The following ARMCX4 variants were observed in gnomAD, a reference collection of about 807,000 sequenced individuals.
ARMCX4 encodes the protein armadillo repeat-containing X-linked protein 4.
In ARMCX4, 3 loss-of-function variants were observed where a neutral mutation model predicts 34.7. The ratio of observed to expected loss-of-function variants is 0.09; its 90% CI spans 0.04 to 0.22. ARMCX4 has a LOEUF of 0.22. Ranked by LOEUF, ARMCX4 falls within the 10% of genes least tolerant of loss-of-function variation. The probability of loss-of-function intolerance (pLI) is 1.00; values close to 1 mark genes in which losing one functional copy is unlikely to be tolerated. For missense variants in ARMCX4, 1,448 were observed against 1,720.8 expected (o/e 0.84, Z 2.81); for synonymous variants, 513 against 632.8 (o/e 0.81, Z 2.84).
intron 11 of ARMCX4, among the ~76,000 whole-genome samples, chrX:101,513,933 T>C (rs1352843198): frequency 9.0e-6 from 1 of 111,134 alleles, no homozygotes; most frequent in Non-Finnish European, 1.9e-5. Context: ...GGGATACTAG[T>C]GCATGGTAGC....
chrX:101,433,414 A>G (rs1856625809), intron 2 of ARMCX4, among the ~76,000 whole-genome samples: 1 of 110,296 alleles, frequency 9.1e-6, no homozygotes, highest in African/African-American at 3.3e-5. Flanking sequence ...AAACATATAT[A>G]CCTGTATGTG....
At chrX:101,505,379 T>C (rs1035488659) in intron 8 of ARMCX4, 5 of 111,832 alleles carry the variant, frequency 4.5e-5, no homozygotes, top group Non-Finnish European at 9.4e-5. Context: ...AACGTTTCTT[T>C]ATAAATGTCT....
Position 101,420,882 on chromosome X carries a change from G to A in ARMCX4, n.164+1882G>A, listed in dbSNP as rs191327455. Among the ~76,000 whole-genome samples the A allele has an allele frequency of 2.0e-4, 23 of 112,312 alleles. No homozygotes were observed. In the East Asian group the frequency reaches 4.2e-3, roughly 21 times the overall value. On this transcript the variant is annotated intron_variant and non_coding_transcript_variant, in intron 2 of 3. Coordinates refer to the ARMCX4 transcript ENST00000430461. Reference sequence around the variant, plus strand: ...GGAAGCCCTGTGGGATGGGGAGAACGAATCAGATTTGTCTTTGAAAATATT... The same window carrying A: ...GGAAGCCCTGTGGGATGGGGAGAACAAATCAGATTTGTCTTTGAAAATATT...
At chrX:101,458,170 C>G (rs368107876) in intron 4 of ARMCX4, among the ~76,000 whole-genome samples, 1 of 110,144 alleles carries the variant, frequency 9.1e-6, no homozygotes, top group Non-Finnish European at 1.9e-5. Context: ...ATTATGAATT[C>G]TTAGAGTTTT....
upstream of ARMCX4, among the ~76,000 whole-genome samples, chrX:101,484,928 A>G (rs1245983431): frequency 9.0e-6 from 1 of 110,761 alleles, no homozygotes; most frequent in Non-Finnish European, 1.9e-5. Flanking sequence ...AAGAAAAAAA[A>G]GGAACACGAA....
intron 2 of ARMCX4, among the ~76,000 whole-genome samples, chrX:101,423,109 C>G (rs1929378667): frequency 1.9e-5 from 2 of 107,837 alleles, no homozygotes; most frequent in Admixed American, 9.9e-5. Flanking sequence ...AATGTTTCAC[C>G]ATGTTGGCCA....
intron 4 of ARMCX4, among the ~76,000 whole-genome samples, chrX:101,460,987 C>T (rs1932582595): frequency 8.9e-6 from 1 of 112,151 alleles, no homozygotes; most frequent in Admixed American, 9.5e-5. Context: ...GCTCTGAATG[C>T]TCTGATTTCC....
At chrX:101,444,025 C>A in intron 2 of ARMCX4, 1 of 372,998 alleles carries the variant, frequency 2.7e-6, no homozygotes, top group Non-Finnish European at 5.2e-6. Context: ...AAGCAGGAAC[C>A]CTTATAACTA....
chrX:101,422,914 A>G (rs1028376183), intron 2 of ARMCX4, among the ~76,000 whole-genome samples: 1 of 110,733 alleles, frequency 9.0e-6, no homozygotes, highest in African/African-American at 3.3e-5. Flanking sequence ...TTTTATTTAT[A>G]TATATATATT....
In ARMCX4 at chrX:101,488,657, A is replaced by G. The variant is rs1933854731; in HGVS notation, c.68A>G (p.Tyr23Cys). Residue 23 changes from tyrosine (Y) to cysteine (C), a missense_variant, in exon 6 of 6, where the codon TAC becomes TGC. This residue lies in a region of ARMCX4 where 1,343 missense variants were observed against 1,540.7 expected (regional missense o/e 0.87). Transcript: ENST00000423738. ...GTGATCTGGGCTGGCACCTGCTACT[A>G]CATTTACAAATTTACCAAGGGAAGA... ...GLVIWAGTCY[Y>C]IYKFTKGRAQ... 3.5e-6 allele frequency: 4 copies of G among 1,154,364 alleles called. No homozygotes were observed. The highest frequency in any genetic ancestry group is 4.6e-6 in the Non-Finnish European group (4 of 872,696).
intron 2 of ARMCX4, among the ~76,000 whole-genome samples, chrX:101,433,344 A>G (rs1555993211): frequency 9.1e-6 from 1 of 109,358 alleles, no homozygotes; most frequent in Non-Finnish European, 1.9e-5. Flanking sequence ...ATGTACATAT[A>G]TGTACATATA....
intron 4 of ARMCX4, among the ~76,000 whole-genome samples, chrX:101,454,157 G>A (rs2079124330): frequency 9.0e-6 from 1 of 110,815 alleles, no homozygotes; most frequent in Admixed American, 9.6e-5. Flanking sequence ...GAAGGAGCAG[G>A]GCAGTGGTGT....
downstream of ARMCX4, among the ~76,000 whole-genome samples, chrX:101,533,899 G>T (rs1436490637): frequency 9.0e-6 from 1 of 111,170 alleles, no homozygotes; most frequent in African/African-American, 3.3e-5. Context: ...GAAGGGGCAG[G>T]CAAGATTATC....
intron 2 of ARMCX4, among the ~76,000 whole-genome samples, chrX:101,436,624 A>G (rs1930794818): frequency 1.8e-5 from 2 of 111,402 alleles, no homozygotes; most frequent in African/African-American, 6.5e-5. Flanking sequence ...TTCCTAATTG[A>G]ATACCCTTTA....
intron 2 of ARMCX4, among the ~76,000 whole-genome samples, chrX:101,427,544 A>AT (rs1360496633): frequency 2.7e-5 from 3 of 110,284 alleles, no homozygotes; most frequent in African/African-American, 9.9e-5. Context: ...TGTCTGGCTA[A>AT]TTTTTTTTGT....
At chrX:101,484,691 T>A (rs1933612766), upstream of ARMCX4, among the ~76,000 whole-genome samples, 1 of 112,444 alleles carries the variant, frequency 8.9e-6, no homozygotes, top group South Asian at 3.6e-4. Flanking sequence ...TACGTGCTGG[T>A]TTTGTTTAGG....
In ARMCX4 at chrX:101,489,350, C is replaced by G. The variant is rs940598421; in HGVS notation, c.761C>G (p.Pro254Arg). Residue 254 changes from proline (P) to arginine (R), a missense_variant, in exon 6 of 6, where the codon CCT becomes CGT. Physicochemically the swap from Pro to Arg is moderately radical, Grantham distance 103. Coordinates refer to ENST00000423738, the MANE Select transcript of ARMCX4 (RefSeq NM_001256155.3). ...SVAKTQSEARPGATVDARGNP... is the reference protein window; with the variant it reads ...SVAKTQSEARRGATVDARGNP... ...GCTAAGACTCAGTCTGAGGCCAGGCCTGGTGCCACAGTTGATGCTAGGGGA... is the reference window on the plus strand; with the variant it reads ...GCTAAGACTCAGTCTGAGGCCAGGCGTGGTGCCACAGTTGATGCTAGGGGA... 48 of 1,152,827 alleles carry G rather than the reference C, an allele frequency of 4.2e-5. No individual in the cohort carries two copies. Among genetic ancestry groups the G allele is most frequent in the Non-Finnish European group, 4.8e-5 (42 of 871,724 alleles).
At position 101,468,846 on chromosome X, in the gene ARMCX4, G is replaced by A. The variant is rs1456305630; in HGVS notation, c.-472-17177G>A. Among the ~76,000 whole-genome samples the A allele has an allele frequency of 3.6e-5, 4 of 111,067 alleles. No individual in the cohort carries two copies. The Admixed American group carries it at 3.9e-4, about 11-fold the overall frequency. ...GCCAAGATGTTCTCCATCTAGGAGAGTATTTTTCATAGGCTTCAGTTGGGG... is the reference window on the plus strand; with the variant it reads ...GCCAAGATGTTCTCCATCTAGGAGAATATTTTTCATAGGCTTCAGTTGGGG... On this transcript the variant is annotated intron_variant and NMD_transcript_variant, in intron 4 of 15. Coordinates refer to the ARMCX4 transcript ENST00000433011.
intron 11 of ARMCX4, among the ~76,000 whole-genome samples, chrX:101,526,264 T>A (rs1322333619): frequency 9.0e-6 from 1 of 111,535 alleles, no homozygotes; most frequent in Non-Finnish European, 1.9e-5. Flanking sequence ...AATAAAATCC[T>A]TTACAGACAA....
Sources: gnomAD v4.1 joint callset for allele counts (sites outside exome capture counted in the v4.1 genomes callset) on GRCh38, gnomAD v4.1.1 for gene constraint, gnomAD v4.1.1 regional missense constraint, MANE v1.5 for transcripts, NCBI Gene and HGNC (gene_info 2026-07-23, HGNC 2026-07-21) for gene names.